The following PELI1 variants were observed in gnomAD, a reference collection of about 807,000 sequenced individuals.
PELI1 encodes the protein pellino E3 ubiquitin protein ligase 1.
Under a neutral mutation model 41.3 loss-of-function variants are expected in PELI1, and 15 were observed. The observed-to-expected ratio is 0.36, with a 90% CI of 0.24 to 0.56. The LOEUF is 0.56. Ranked by LOEUF, PELI1 falls within the 20% of genes least tolerant of loss-of-function variation. The pLI is 0.82. For missense variants in PELI1, 403 were observed against 525.5 expected, an observed-to-expected ratio of 0.77 and a Z score of 2.28; for synonymous variants, 178 against 180.1, an observed-to-expected ratio of 0.99 and a Z score of 0.09.
In PELI1 at chr2:64,105,440, T is replaced by TAC. The variant is rs141087877; in HGVS notation, c.72-612_72-611dup. On this transcript the variant is annotated intron_variant, in intron 2 of 6. Transcript: ENST00000358912. ...ACCATTTCTCCATAACATGTACACA[T>TAC]ACACACACACACACATATACATCCT... Among the ~76,000 whole-genome samples, 1,163 of 151,428 alleles carry TAC rather than the reference T, an allele frequency of 7.7e-3. 17 individuals are homozygous for TAC. The highest frequency in any genetic ancestry group is 0.027 in the African/African-American group (1,109 of 41,372).
chr2:64,143,530 G>A (rs1265693548), intron 1 of PELI1: 3 of 152,064 alleles, frequency 2.0e-5, no homozygotes, highest in African/African-American at 7.2e-5. Flanking sequence ...TTGTTTCCTA[G>A]GGGACCCGGG....
rs1334252465 is a variant in PELI1 at position 64,096,144 on chromosome 2, G to A, written c.671C>T (p.Ala224Val). The change falls in exon 6 of 7, where the codon GCT becomes GTT. Residue 224 changes from alanine (A) to valine (V), a missense_variant. Physicochemically the swap from Ala to Val is moderately conservative, Grantham distance 64. Transcript: ENST00000358912. Reference sequence around the variant, plus strand: ...ATTTACCATTTTTCCTCTCTGCTGAGCCGATCTGGTTTCACGTAGGCTAAA... The same window carrying A: ...ATTTACCATTTTTCCTCTCTGCTGAACCGATCTGGTTTCACGTAGGCTAAA... The part of the protein sequence containing the change: ...NVFSLRETRS[A>V]QQRGKMVEIE... 6.2e-7 allele frequency: 1 copy of A among 1,613,358 alleles called. No homozygotes were observed. The highest frequency in any genetic ancestry group is 1.7e-5 in the Admixed American group (1 of 59,946).
intron 2 of PELI1, among the ~76,000 whole-genome samples, chr2:64,106,914 A>C (rs1680640579): frequency 6.6e-6 from 1 of 152,128 alleles, no homozygotes; most frequent in Admixed American, 6.5e-5. Context: ...GGGAAAATAA[A>C]ATTAGCAATT....
intron 1 of PELI1, chr2:64,143,564 A>G (rs2103756686): frequency 6.6e-6 from 1 of 152,256 alleles, no homozygotes; most frequent in East Asian, 1.9e-4. Flanking sequence ...AGCGTGTTTA[A>G]AATGCTCTGA....
intron 1 of PELI1, among the ~76,000 whole-genome samples, chr2:64,120,747 G>C (rs547452272): frequency 6.6e-6 from 1 of 152,198 alleles, no homozygotes; most frequent in African/African-American, 2.4e-5. Flanking sequence ...ATCTTAATTG[G>C]AATCATTCAA....
At chr2:64,109,361 T>A (rs1680729319) in intron 1 of PELI1, among the ~76,000 whole-genome samples, 1 of 152,126 alleles carries the variant, frequency 6.6e-6, no homozygotes, top group African/African-American at 2.4e-5. Flanking sequence ...AAATCATTCA[T>A]CCTAGCAAGA....
intron 1 of PELI1, among the ~76,000 whole-genome samples, chr2:64,135,737 T>C (rs1456458711): frequency 6.6e-6 from 1 of 152,224 alleles, no homozygotes; most frequent in Non-Finnish European, 1.5e-5. Flanking sequence ...CTCTCAATTA[T>C]TGTTACTCAT....
chr2:64,137,935 ACTACT>A (rs924888580), intron 1 of PELI1, among the ~76,000 whole-genome samples: 28 of 152,166 alleles, frequency 1.8e-4, no homozygotes, highest in South Asian at 2.1e-4. Flanking sequence ...TTCCATGGTG[ACTACT>A]CTAAAGTATA....
At chr2:64,139,589 C>T (rs1195269611) in intron 1 of PELI1, among the ~76,000 whole-genome samples, 1 of 152,160 alleles carries the variant, frequency 6.6e-6, no homozygotes, top group African/African-American at 2.4e-5. Context: ...GCAACTGCGC[C>T]CAGCCATTTT....
At chr2:64,122,221 C>A (rs1681242642) in intron 1 of PELI1, among the ~76,000 whole-genome samples, 1 of 151,552 alleles carries the variant, frequency 6.6e-6, no homozygotes, top group Non-Finnish European at 1.5e-5. Flanking sequence ...CCTACTCTTC[C>A]ATATCCTGCT....
chr2:64,108,274 C>G lies in PELI1; in HGVS notation c.37G>C (p.Ala13Pro). Residue 13 changes from alanine to proline, a missense_variant, in exon 2 of 7, where the codon GCA (alanine) becomes CCA (proline). Coordinates refer to ENST00000358912, the MANE Select transcript of PELI1 (RefSeq NM_020651.4). ...ATGAGTTCACCATATTTTACTGGTG[C>G]TTTAGATGGATGATTTTCTTGATCA... ...SPDQENHPSK[A>P]PVKYGELIVL... 6.2e-7 allele frequency: 1 copy of G among 1,605,782 alleles called. No individual in the cohort carries two copies. Among genetic ancestry groups the G allele is most frequent in the Non-Finnish European group, 8.5e-7 (1 of 1,172,526 alleles).
At chr2:64,103,991 T>C (rs139822365) in intron 3 of PELI1, among the ~76,000 whole-genome samples, 17 of 152,332 alleles carry the variant, frequency 1.1e-4, no homozygotes, top group Middle Eastern at 6.8e-3. Context: ...TTCCCCCTCC[T>C]TGTCTGTCAC....
chr2:64,121,704 G>A (rs569918989), intron 1 of PELI1, among the ~76,000 whole-genome samples: 11 of 152,190 alleles, frequency 7.2e-5, no homozygotes, highest in African/African-American at 2.4e-4. Context: ...TCAGGAGTTC[G>A]AGACCAGCCT....
chr2:64,126,611 G>A (rs1383644324), intron 1 of PELI1, among the ~76,000 whole-genome samples: 4 of 152,218 alleles, frequency 2.6e-5, no homozygotes, highest in African/African-American at 9.6e-5. Flanking sequence ...CCAAACATTT[G>A]TTTACTTATG....
intron 1 of PELI1, among the ~76,000 whole-genome samples, chr2:64,116,739 T>C (rs1305376565): frequency 6.6e-6 from 1 of 152,248 alleles, no homozygotes; most frequent in African/African-American, 2.4e-5. Context: ...CATCTGGTTT[T>C]ATTGCACTTT....
intron 6 of PELI1, among the ~76,000 whole-genome samples, chr2:64,095,865 A>G (rs552201637): frequency 5.3e-4 from 81 of 152,184 alleles, no homozygotes; most frequent in African/African-American, 1.9e-3. Context: ...CTGGTCTCGA[A>G]CTCCTGATCT....
chr2:64,128,813 T>A (rs905972440), intron 1 of PELI1, among the ~76,000 whole-genome samples: 1 of 152,034 alleles, frequency 6.6e-6, no homozygotes, highest in Non-Finnish European at 1.5e-5. Flanking sequence ...AACTCTTGGG[T>A]TTTATGTAAG....
intron 1 of PELI1, among the ~76,000 whole-genome samples, chr2:64,122,957 G>T (rs1201675172): frequency 1.3e-5 from 2 of 152,158 alleles, no homozygotes; most frequent in African/African-American, 4.8e-5. Flanking sequence ...TTCAGAGAGG[G>T]TAAGTTATTT....
chr2:64,118,155 A>G (rs1034353262), intron 1 of PELI1, among the ~76,000 whole-genome samples: 3 of 152,154 alleles, frequency 2.0e-5, no homozygotes, highest in Non-Finnish European at 4.4e-5. Context: ...ACTCAGTATG[A>G]TATTCTTATT....
Sources: gnomAD v4.1 joint callset for allele counts (sites outside exome capture counted in the v4.1 genomes callset) on GRCh38, gnomAD v4.1.1 for gene constraint, MANE v1.5 for transcripts, NCBI Gene and HGNC (gene_info 2026-07-23, HGNC 2026-07-21) for gene names.